Variants in LRRTM4 observed in about 807,000 individuals in gnomAD.
LRRTM4 encodes leucine-rich repeat transmembrane neuronal protein 4.
LRRTM4 carries 25 observed loss-of-function variants against 47.6 expected under a neutral mutation model. The observed-to-expected ratio is 0.53, with a 90% CI of 0.38 to 0.73. The LOEUF is 0.73. Among genes scored for constraint, LRRTM4 ranks in the 30% least tolerant of loss-of-function variants. The pLI is 0.00. For synonymous variants in LRRTM4, 311 were observed against 269.5 expected (o/e 1.15, Z -1.51); for missense variants, 638 against 713.4 (o/e 0.89, Z 1.20).
chr2:76,790,011 C>G (rs1488363549), intron 3 of LRRTM4, among the ~76,000 whole-genome samples: 1 of 152,198 alleles, frequency 6.6e-6, no homozygotes, highest in Non-Finnish European at 1.5e-5. Flanking sequence ...GACAGTTCTA[C>G]TGTGGGAATT....
intron 3 of LRRTM4, among the ~76,000 whole-genome samples, chr2:77,057,202 C>T (rs954373398): frequency 2.0e-5 from 3 of 152,072 alleles, no homozygotes; most frequent in Non-Finnish European, 2.9e-5. Flanking sequence ...GACATTTATG[C>T]TTTCAATAAA....
intron 3 of LRRTM4, among the ~76,000 whole-genome samples, chr2:77,303,042 A>G (rs1467438911): frequency 2.0e-5 from 3 of 152,186 alleles, no homozygotes; most frequent in Non-Finnish European, 4.4e-5. Context: ...AGGCCCCACC[A>G]TTGCTCAGGC....
At chr2:77,477,816 G>A (rs1323687251) in intron 3 of LRRTM4, among the ~76,000 whole-genome samples, 1 of 129,984 alleles carries the variant, frequency 7.7e-6, no homozygotes, top group East Asian at 2.2e-4. Flanking sequence ...TCCAGCCTGC[G>A]CAACAAGGCT....
chr2:77,136,813 G>A (rs548108829), intron 3 of LRRTM4, among the ~76,000 whole-genome samples: 12 of 152,024 alleles, frequency 7.9e-5, no homozygotes, highest in African/African-American at 1.9e-4. Flanking sequence ...AATGGCACAC[G>A]AACTATGTGA....
intron 3 of LRRTM4, among the ~76,000 whole-genome samples, chr2:76,963,191 A>G (rs1675917592): frequency 6.6e-6 from 1 of 150,968 alleles, no homozygotes; most frequent in Non-Finnish European, 1.5e-5. Context: ...TATTCCTGAA[A>G]GAGCAATGAT....
At chr2:77,072,029 A>G (rs878889387) in intron 3 of LRRTM4, among the ~76,000 whole-genome samples, 1 of 152,182 alleles carries the variant, frequency 6.6e-6, no homozygotes, top group East Asian at 1.9e-4. Context: ...CTGTCCCTCA[A>G]AAATTCTGAC....
At chr2:77,378,503 C>T (rs1672923110) in intron 3 of LRRTM4, among the ~76,000 whole-genome samples, 2 of 152,086 alleles carry the variant, frequency 1.3e-5, no homozygotes, top group Non-Finnish European at 2.9e-5. Flanking sequence ...GCACTGAAAA[C>T]ACATTATATG....
At chr2:76,806,432 T>C (rs1675971092) in intron 3 of LRRTM4, among the ~76,000 whole-genome samples, 1 of 151,856 alleles carries the variant, frequency 6.6e-6, no homozygotes, top group Admixed American at 6.6e-5. Context: ...AAATACAAAA[T>C]TAGCAGGGCG....
intron 3 of LRRTM4, among the ~76,000 whole-genome samples, chr2:77,349,019 C>T (rs888558451): frequency 6.6e-6 from 1 of 151,770 alleles, no homozygotes; most frequent in Non-Finnish European, 1.5e-5. Context: ...TCACTAAAAG[C>T]ATTTCCAGTA....
intron 3 of LRRTM4, among the ~76,000 whole-genome samples, chr2:77,056,503 G>T (rs992088017): frequency 6.6e-6 from 1 of 151,972 alleles, no homozygotes; most frequent in Non-Finnish European, 1.5e-5. Context: ...CATAATAAAT[G>T]ATTTAAATCA....
chr2:76,779,745 C>T (rs1356719581), intron 3 of LRRTM4, among the ~76,000 whole-genome samples: 13 of 152,084 alleles, frequency 8.5e-5, no homozygotes, highest in Non-Finnish European at 8.8e-5. Flanking sequence ...TTAATTGGAG[C>T]ATTTAGTCCA....
intron 3 of LRRTM4, among the ~76,000 whole-genome samples, chr2:76,950,761 AAC>A (rs1453092381): frequency 1.3e-5 from 2 of 152,002 alleles, no homozygotes; most frequent in African/African-American, 4.8e-5. Context: ...ACAAAAATAA[AAC>A]AGATACTCAA....
intron 3 of LRRTM4, among the ~76,000 whole-genome samples, chr2:77,015,676 G>A (rs1678040954): frequency 1.3e-5 from 2 of 152,066 alleles, no homozygotes; most frequent in South Asian, 4.1e-4. Flanking sequence ...TTTGAAGTAG[G>A]AAATAAATGA....
chr2:77,016,231 C>CA (rs1678062817), intron 3 of LRRTM4, among the ~76,000 whole-genome samples: 4 of 151,614 alleles, frequency 2.6e-5, no homozygotes, highest in Admixed American at 2.0e-4. Context: ...ACTAAAAATA[C>CA]AAAAATTAGC....
intron 3 of LRRTM4, among the ~76,000 whole-genome samples, chr2:77,089,640 C>T (rs1303870768): frequency 1.3e-5 from 2 of 151,900 alleles, no homozygotes; most frequent in East Asian, 1.9e-4. Flanking sequence ...ACTATGGGAA[C>T]CTTCCACCCT....
intron 3 of LRRTM4, among the ~76,000 whole-genome samples, chr2:77,336,962 A>G (rs1341757326): frequency 6.6e-6 from 1 of 152,152 alleles, no homozygotes; most frequent in African/African-American, 2.4e-5. Flanking sequence ...TACTAGACAT[A>G]GAGCACTCAA....
At chr2:77,350,274 C>T (rs1314483741) in intron 3 of LRRTM4, among the ~76,000 whole-genome samples, 3 of 130,688 alleles carry the variant, frequency 2.3e-5, no homozygotes, top group East Asian at 4.9e-4. Context: ...TGCAGTGAGC[C>T]GAGATTGCGC....
At chr2:76,948,975 T>G (rs2103881223) in intron 3 of LRRTM4, among the ~76,000 whole-genome samples, 1 of 152,012 alleles carries the variant, frequency 6.6e-6, no homozygotes, top group East Asian at 1.9e-4. Context: ...TGAGTATGTC[T>G]TTACAAAAGC....
intron 3 of LRRTM4, among the ~76,000 whole-genome samples, chr2:77,457,335 C>A (rs976564760): frequency 2.6e-5 from 4 of 151,434 alleles, no homozygotes; most frequent in African/African-American, 9.7e-5. Flanking sequence ...GCTTTCTTTC[C>A]CTCATTGCCT....
Sources: gnomAD v4.1 joint callset for allele counts (sites outside exome capture counted in the v4.1 genomes callset) on GRCh38, gnomAD v4.1.1 for gene constraint, MANE v1.5 for transcripts, NCBI Gene and HGNC (gene_info 2026-07-23, HGNC 2026-07-21) for gene names.